TAFA1: variants seen among roughly 807,000 people sequenced by gnomAD.
TAFA1 encodes TAFA chemokine like family member 1.
Under a neutral mutation model 18.5 loss-of-function variants are expected in TAFA1, and 4 were observed. The ratio of observed to expected loss-of-function variants is 0.22; its 90% CI spans 0.11 to 0.49. The LOEUF is 0.49. Ranked by LOEUF, TAFA1 falls within the 20% of genes least tolerant of loss-of-function variation. The pLI is 0.98. For synonymous variants in TAFA1, 56 were observed against 55.2 expected, an observed-to-expected ratio of 1.01 and a Z score of -0.06; for missense variants, 147 against 169.0, an observed-to-expected ratio of 0.87 and a Z score of 0.72.
At chr3:68,475,025 T>C (rs1295822820) in intron 3 of TAFA1, among the ~76,000 whole-genome samples, 1 of 152,158 alleles carries the variant, frequency 6.6e-6, no homozygotes, top group African/African-American at 2.4e-5. Context: ...AAAGAAGCTC[T>C]GGTTCTTTGA....
At chr3:68,444,026 T>G (rs190715481) in intron 3 of TAFA1, among the ~76,000 whole-genome samples, 33 of 152,284 alleles carry the variant, frequency 2.2e-4, no homozygotes, top group African/African-American at 7.9e-4. Flanking sequence ...ATATCCCCAC[T>G]TGGGAGAAGC....
Position 68,011,034 on chromosome 3 carries a change from CATA to C in TAFA1, c.118+4293_118+4295del, listed in dbSNP as rs201077590. On this transcript the variant is annotated intron_variant, in intron 2 of 4. Coordinates refer to ENST00000478136, the MANE Select transcript of TAFA1 (RefSeq NM_213609.4). ...AAAAGATTGAACGGTTTTTGCTAAT[CATA>C]ATTTTCTGTTTTAGGATGAGTTTTT... Among the ~76,000 whole-genome samples, 35 of 140,192 alleles carry C rather than the reference CATA, an allele frequency of 2.5e-4. No individual in the cohort carries two copies. In the East Asian group the frequency reaches 6.5e-3, roughly 26 times the overall value. 92.0% of individuals were successfully genotyped at this position (140,192 alleles called of 152,430 possible).
intron 2 of TAFA1, among the ~76,000 whole-genome samples, chr3:68,393,551 C>A (rs560052359): frequency 1.3e-3 from 191 of 152,128 alleles, no homozygotes; most frequent in African/African-American, 4.4e-3. Flanking sequence ...CTGGCAGAGA[C>A]ACAATGAAAA....
At chr3:67,998,046 CA>C in the TAFA1 span, among the ~76,000 whole-genome samples, 15 of 150,406 alleles carry the variant, frequency 1.0e-4, no homozygotes, top group East Asian at 5.9e-4. Context: ...ATATATTAAA[CA>C]AAAAAAATTA....
At chr3:68,446,204 G>A (rs955249300) in intron 3 of TAFA1, among the ~76,000 whole-genome samples, 3 of 152,018 alleles carry the variant, frequency 2.0e-5, no homozygotes, top group African/African-American at 7.2e-5. Flanking sequence ...ACCATGCCTG[G>A]CCTATTTTTA....
intron 2 of TAFA1, among the ~76,000 whole-genome samples, chr3:68,329,239 T>TTTTTTTTTC (rs1366688929): frequency 6.9e-6 from 1 of 144,482 alleles, no homozygotes; most frequent in African/African-American, 2.6e-5. Context: ...TTTTTTTTTT[T>TTTTTTTTTC]GTATTTTTAG....
intron 2 of TAFA1, among the ~76,000 whole-genome samples, chr3:68,015,930 C>T (rs1704561501): frequency 6.6e-6 from 1 of 152,146 alleles, no homozygotes; most frequent in African/African-American, 2.4e-5. Context: ...GCTGTCAGCT[C>T]TTGGAAACAT....
chr3:68,142,881 A>AT (rs1404855487), intron 2 of TAFA1, among the ~76,000 whole-genome samples: 1 of 150,504 alleles, frequency 6.6e-6, no homozygotes, highest in Non-Finnish European at 1.5e-5. Context: ...TGCTCCTGTG[A>AT]TTTTCACTTT....
At chr3:68,097,676 T>G (rs1008545139) in intron 2 of TAFA1, among the ~76,000 whole-genome samples, 4 of 152,176 alleles carry the variant, frequency 2.6e-5, no homozygotes, top group African/African-American at 9.7e-5. Context: ...ATTTTGTCTA[T>G]CTTGTTCACT....
Position 68,102,689 on chromosome 3 carries a change from T to C in TAFA1, c.118+95945T>C, listed in dbSNP as rs574126976. 2.0e-5 allele frequency among the ~76,000 whole-genome samples: 3 copies of C among 152,354 alleles called. No homozygotes were observed. The East Asian group carries it at 5.8e-4, about 29-fold the overall frequency. ...GATGCCTGAACTTGCAGGTTATCTC[T>C]GCTTTTAACTTGTTTTTACCATTGG... On this transcript the variant is annotated intron_variant, in intron 2 of 4. Coordinates refer to ENST00000478136, the MANE Select transcript of TAFA1 (RefSeq NM_213609.4).
chr3:68,346,095 G>C (rs1216007360), intron 2 of TAFA1, among the ~76,000 whole-genome samples: 1 of 152,164 alleles, frequency 6.6e-6, no homozygotes. Flanking sequence ...AAAATATTTA[G>C]AAGTACTAGA....
chr3:68,038,578 C>T (rs1160920634), intron 2 of TAFA1, among the ~76,000 whole-genome samples: 1 of 152,046 alleles, frequency 6.6e-6, no homozygotes, highest in Non-Finnish European at 1.5e-5. Flanking sequence ...TAAATGATGC[C>T]TGCATGGCTG....
chr3:68,533,710 T>C (rs1203985740), intron 3 of TAFA1, among the ~76,000 whole-genome samples: 1 of 152,166 alleles, frequency 6.6e-6, no homozygotes, highest in Non-Finnish European at 1.5e-5. Flanking sequence ...GTCCTGTACC[T>C]GTGAAGATAA....
chr3:68,439,416 T>C (rs936537340), intron 3 of TAFA1, among the ~76,000 whole-genome samples: 15 of 48,632 alleles, frequency 3.1e-4, no homozygotes, highest in African/African-American at 1.3e-3. Flanking sequence ...TACATACATA[T>C]ATATATATAT....
At chr3:68,321,343 C>T (rs888625544) in intron 2 of TAFA1, among the ~76,000 whole-genome samples, 8 of 152,092 alleles carry the variant, frequency 5.3e-5, no homozygotes, top group Non-Finnish European at 8.8e-5. Context: ...TTTAATAAGC[C>T]TGTGTGCCAT....
intron 3 of TAFA1, among the ~76,000 whole-genome samples, chr3:68,421,110 C>T (rs995765599): frequency 3.3e-5 from 5 of 152,060 alleles, no homozygotes; most frequent in African/African-American, 4.8e-5. Flanking sequence ...CAATGCATTG[C>T]TTATGCTGAC....
intron 2 of TAFA1, among the ~76,000 whole-genome samples, chr3:68,067,834 A>G (rs2064700416): frequency 6.6e-6 from 1 of 152,146 alleles, no homozygotes; most frequent in South Asian, 2.1e-4. Context: ...ACGATGTTGA[A>G]TGAGACTCTG....
At chr3:68,454,648 T>G (rs1278474055) in intron 3 of TAFA1, among the ~76,000 whole-genome samples, 1 of 152,186 alleles carries the variant, frequency 6.6e-6, no homozygotes, top group Non-Finnish European at 1.5e-5. Flanking sequence ...TTACTGTTGT[T>G]GCTGGTCCAT....
At chr3:68,296,323 A>G (rs922264295) in intron 2 of TAFA1, among the ~76,000 whole-genome samples, 18 of 152,180 alleles carry the variant, frequency 1.2e-4, no homozygotes, top group African/African-American at 3.6e-4. Context: ...TTAGCCTCTC[A>G]GGAGAATTAC....
Sources: gnomAD v4.1 joint callset for allele counts (sites outside exome capture counted in the v4.1 genomes callset) on GRCh38, gnomAD v4.1.1 for gene constraint, MANE v1.5 for transcripts, NCBI Gene and HGNC (gene_info 2026-07-23, HGNC 2026-07-21) for gene names.